The following KIAA0825 variants were observed in gnomAD, a reference collection of about 807,000 sequenced individuals.
KIAA0825 encodes the protein KIAA0825.
Under a neutral mutation model 147.6 loss-of-function variants are expected in KIAA0825, and 119 were observed. The ratio of observed to expected loss-of-function variants is 0.81; its 90% CI spans 0.69 to 0.94. KIAA0825 has a LOEUF of 0.94. Ranked by LOEUF, KIAA0825 falls within the 40% of genes least tolerant of loss-of-function variation. KIAA0825 has a pLI of 0.00. For missense variants in KIAA0825, 1,381 were observed against 1,472.7 expected, an observed-to-expected ratio of 0.94 and a Z score of 1.02; for synonymous variants, 470 against 518.1, an observed-to-expected ratio of 0.91 and a Z score of 1.26.
intron 20 of KIAA0825, among the ~76,000 whole-genome samples, chr5:94,216,397 G>A (rs1306568060): frequency 6.6e-6 from 1 of 152,178 alleles, no homozygotes; most frequent in African/African-American, 2.4e-5. Context: ...TACTTTGAGA[G>A]AAACATTGTT....
chr5:94,472,056 TATA>T, intron 8 of KIAA0825, among the ~76,000 whole-genome samples: 1 of 152,224 alleles, frequency 6.6e-6, no homozygotes, highest in East Asian at 1.9e-4. Flanking sequence ...CTTGATATTG[TATA>T]ATATCAAGAA....
chr5:94,285,314 C>T (rs944053457), intron 20 of KIAA0825, among the ~76,000 whole-genome samples: 3 of 152,032 alleles, frequency 2.0e-5, no homozygotes, highest in Non-Finnish European at 1.5e-5. Flanking sequence ...GTTGAATGAA[C>T]AAATAATTAT....
At chr5:94,408,271 G>A (rs1277556268) in intron 15 of KIAA0825, among the ~76,000 whole-genome samples, 1 of 152,188 alleles carries the variant, frequency 6.6e-6, no homozygotes, top group Non-Finnish European at 1.5e-5. Context: ...GAAAAGGCAG[G>A]ACTGGGTGGG....
intron 1 of KIAA0825, among the ~76,000 whole-genome samples, chr5:94,603,920 C>A (rs140254810): frequency 0.012 from 1,828 of 152,310 alleles, 33 homozygotes; most frequent in African/African-American, 0.042. Context: ...CACCCAGATT[C>A]ATAAAGCAAG....
chr5:94,162,339 G>T (rs1767662251), intron 20 of KIAA0825, among the ~76,000 whole-genome samples: 2 of 152,060 alleles, frequency 1.3e-5, no homozygotes, highest in Admixed American at 1.3e-4. Context: ...TCACTCTGTT[G>T]CCCAGGCTGG....
At chr5:94,542,273 T>A (rs762371722) in intron 2 of KIAA0825, among the ~76,000 whole-genome samples, 5 of 152,230 alleles carry the variant, frequency 3.3e-5, no homozygotes, top group Non-Finnish European at 4.4e-5. Context: ...CTAATAGAAG[T>A]CTAAAATAAT....
intron 20 of KIAA0825, among the ~76,000 whole-genome samples, chr5:94,178,963 A>G (rs1354252487): frequency 1.3e-5 from 2 of 152,120 alleles, no homozygotes. Flanking sequence ...AAGGGAACAA[A>G]CTATTGATTT....
intron 20 of KIAA0825, among the ~76,000 whole-genome samples, chr5:94,380,744 G>A (rs946298540): frequency 3.3e-5 from 5 of 152,242 alleles, no homozygotes; most frequent in African/African-American, 4.8e-5. Flanking sequence ...GCACCAAGAC[G>A]CTGAAGTGGG....
At chr5:94,552,597 A>C (rs142442932) in intron 2 of KIAA0825, among the ~76,000 whole-genome samples, 1 of 152,030 alleles carries the variant, frequency 6.6e-6, no homozygotes, top group African/African-American at 2.4e-5. Context: ...GAAATCAACA[A>C]GAGAAACTTT....
intron 20 of KIAA0825, among the ~76,000 whole-genome samples, chr5:94,296,017 C>T (rs921265016): frequency 1.3e-5 from 2 of 152,140 alleles, no homozygotes; most frequent in Admixed American, 6.6e-5. Flanking sequence ...GCTGAAGCTG[C>T]GCCCAAAGCC....
intron 10 of KIAA0825, 133 bp from the exon 11 acceptor site, chr5:94,465,192 T>C: frequency 1.4e-6 from 1 of 730,930 alleles, no homozygotes; most frequent in Non-Finnish European, 2.1e-6. Flanking sequence ...CCAACAAAGA[T>C]TTTTGACAAG....
Position 94,471,586 on chromosome 5 carries a change from C to T in KIAA0825, c.1601G>A (p.Arg534Lys). 1.3e-6 allele frequency: 2 copies of T among 1,551,932 alleles called. No individual in the cohort carries two copies. Among genetic ancestry groups the T allele is most frequent in the Non-Finnish European group, 1.7e-6 (2 of 1,147,042 alleles). The change falls in exon 9 of 21, where the codon AGA (arginine) becomes AAA (lysine). Residue 534 changes from arginine to lysine, a missense_variant. Transcript: ENST00000682413. The stretch of plus-strand genomic sequence containing the variant: ...TGCTTTGGAAGGAACCTCCTTGGCT[C>T]TCTCTTGCAGTCTCTGCAGGACAGC... ...ATAVLQRLQE[R>K]AKEVPSKAPL... is the part of the protein sequence containing the mutation.
rs533527039 is a variant in KIAA0825, at chr5:94,216,661, C to T, written c.3711-62537G>A. On this transcript the variant is annotated intron_variant, in intron 20 of 20. Coordinates refer to ENST00000682413, the MANE Select transcript of KIAA0825 (RefSeq NM_001145678.3). ...TTTAGGGAGGAGAGCCATTTTTCTC[C>T]GTCTTCTCACTTCCCCCACATAGAA... 1.1e-4 allele frequency among the ~76,000 whole-genome samples: 17 copies of T among 152,266 alleles called. No individual in the cohort carries two copies. The South Asian group carries it at 1.9e-3, about 17-fold the overall frequency.
At chr5:94,217,221 T>C (rs1205195976) in intron 20 of KIAA0825, among the ~76,000 whole-genome samples, 1 of 152,204 alleles carries the variant, frequency 6.6e-6, no homozygotes, top group Non-Finnish European at 1.5e-5. Flanking sequence ...CTGGTGTGTG[T>C]AGATACCATT....
chr5:94,343,418 T>C (rs160271), intron 20 of KIAA0825, among the ~76,000 whole-genome samples: 58,810 of 151,978 alleles, frequency 0.39, 11,741 homozygotes, highest in African/African-American at 0.46. Context: ...AGGCCAGGTG[T>C]GGTGGCTCAC....
chr5:94,267,078 T>C (rs1776768417), intron 20 of KIAA0825, among the ~76,000 whole-genome samples: 1 of 152,224 alleles, frequency 6.6e-6, no homozygotes, highest in Non-Finnish European at 1.5e-5. Flanking sequence ...CTGTTCACTC[T>C]GTCTCAAATG....
intron 2 of KIAA0825, among the ~76,000 whole-genome samples, chr5:94,550,457 C>T (rs189028433): frequency 6.6e-6 from 1 of 152,294 alleles, no homozygotes; most frequent in East Asian, 1.9e-4. Flanking sequence ...ATGAAAGCTA[C>T]TCCATTAAAT....
intron 5 of KIAA0825, among the ~76,000 whole-genome samples, chr5:94,502,575 C>T (rs1436875078): frequency 6.6e-6 from 1 of 152,048 alleles, no homozygotes; most frequent in Non-Finnish European, 1.5e-5. Flanking sequence ...CCCTGGGAAA[C>T]AGAATCAAAG....
chr5:94,512,171 T>C (rs1265041308), intron 5 of KIAA0825, among the ~76,000 whole-genome samples: 1 of 152,128 alleles, frequency 6.6e-6, no homozygotes, highest in Non-Finnish European at 1.5e-5. Flanking sequence ...ACATTAAAAT[T>C]CTCAGTCTTC....
Sources: gnomAD v4.1 joint callset for allele counts (sites outside exome capture counted in the v4.1 genomes callset) on GRCh38, gnomAD v4.1.1 for gene constraint, MANE v1.5 for transcripts, NCBI Gene and HGNC (gene_info 2026-07-23, HGNC 2026-07-21) for gene names.